Variants in MTUS1 observed in about 807,000 individuals in gnomAD.
MTUS1 encodes the protein microtubule associated scaffold protein 1, also known as microtubule-associated tumor suppressor 1.
A neutral mutation model predicts 120.8 loss-of-function variants in MTUS1; 109 were observed. The observed-to-expected ratio is 0.90, with a 90% CI of 0.77 to 1.06. The LOEUF (loss-of-function observed/expected upper bound fraction) is 1.06, where lower values mean the gene tolerates loss of function less well. Among genes scored for constraint, MTUS1 ranks in the 50% least tolerant of loss-of-function variants. The pLI, the probability that MTUS1 is intolerant of heterozygous loss-of-function variation, is 0.00. For synonymous variants in MTUS1, 737 were observed against 550.5 expected, an observed-to-expected ratio of 1.34 and a Z score of -4.74; for missense variants, 2,210 against 1,486.3, an observed-to-expected ratio of 1.49 and a Z score of -8.01.
At chr8:17,680,531 T>C (rs1009535428) in intron 7 of MTUS1, among the ~76,000 whole-genome samples, 1 of 144,262 alleles carries the variant, frequency 6.9e-6, no homozygotes, top group Non-Finnish European at 1.5e-5. Flanking sequence ...GCAGTCACAA[T>C]TCCTTGGCTG....
rs1364957980 is a variant in MTUS1, at chr8:17,755,810, T to G, written c.-3A>C. On this transcript the variant is annotated 5_prime_UTR_variant, in exon 2 of 15. Transcript: ENST00000693296. ...TCATCTGAATTATCATCAGTCATCC[T>G]GAATAGTAACCTTAAACCTCTGCCA... The G allele has an allele frequency of 6.2e-7, 1 of 1,609,952 alleles. No homozygotes were observed. Among genetic ancestry groups the G allele is most frequent in the Non-Finnish European group, 8.5e-7 (1 of 1,178,018 alleles).
chr8:17,657,375 C>T (rs372715615), intron 8 of MTUS1, among the ~76,000 whole-genome samples: 3,044 of 151,094 alleles, frequency 0.02, 31 homozygotes, highest in South Asian at 0.036. Context: ...GAGACCATCC[C>T]GGCTAAAACG....
At chr8:17,784,538 G>C (rs1337106329) in intron 1 of MTUS1, among the ~76,000 whole-genome samples, 1 of 151,888 alleles carries the variant, frequency 6.6e-6, no homozygotes, top group African/African-American at 2.4e-5. Flanking sequence ...CAGGTGATCT[G>C]CCTGCCTCGG....
At chr8:17,678,667 T>C (rs529620656) in intron 7 of MTUS1, among the ~76,000 whole-genome samples, 1 of 152,212 alleles carries the variant, frequency 6.6e-6, no homozygotes, top group South Asian at 2.1e-4. Flanking sequence ...TCTATGTTTT[T>C]TTGTTCCAAG....
In MTUS1 at chr8:17,676,037, C is replaced by T; in HGVS notation, c.2839-785G>A. On this transcript the variant is annotated intron_variant, in intron 7 of 14. Transcript: ENST00000693296. The stretch of plus-strand genomic sequence containing the variant: ...TCCTTAAAAGGTAGATTCCCTAGCA[C>T]CAGGGAGTAACTAAAAAAAAAATGA... The T allele has an allele frequency of 7.1e-6, 4 of 560,974 alleles. No homozygotes were observed. The South Asian group carries it at 8.7e-5, about 12-fold the overall frequency. The allele number at this position is 560,974 out of a possible 1,614,324, so 34.7% of individuals were successfully genotyped here.
chr8:17,649,768 C>T, intron 13 of MTUS1, 78 bp downstream of exon 13: 3 of 780,094 alleles, frequency 3.8e-6, no homozygotes, highest in Non-Finnish European at 2.2e-6. Flanking sequence ...CCCAACTCCA[C>T]AGTTCTAAAA....
chr8:17,680,708 G>C (rs2130728306), intron 7 of MTUS1, among the ~76,000 whole-genome samples: 2 of 152,162 alleles, frequency 1.3e-5, no homozygotes, highest in South Asian at 4.2e-4. Flanking sequence ...CTGAGCACCT[G>C]ATAAAGGCCT....
rs767634142 is a variant in MTUS1, at chr8:17,653,332, C to T, written c.3289-51G>A. The T allele has an allele frequency of 7.4e-6, 11 of 1,483,102 alleles. No homozygotes were observed. In the South Asian group the frequency reaches 1.4e-4, roughly 19 times the overall value. The allele number at this position is 1,483,102 out of a possible 1,614,324, so 91.9% of individuals were successfully genotyped here. A position where few individuals can be genotyped will look rare whatever the true frequency, so the allele number is the denominator to read the frequency against. ...TAAGTTAACAAGAAAACCCCAGAAA[C>T]TCAGCATACGTACACAGAAACATTA... On this transcript the variant is annotated intron_variant, in intron 11 of 14. Transcript: ENST00000693296.
At chr8:17,685,689 A>C (rs560241811) in intron 6 of MTUS1, among the ~76,000 whole-genome samples, 10 of 106,026 alleles carry the variant, frequency 9.4e-5, no homozygotes, top group African/African-American at 2.8e-4. Context: ...ACTAAGTTAA[A>C]AACAGGGAAA....
chr8:17,727,083 T>C (rs1019756892), intron 3 of MTUS1, among the ~76,000 whole-genome samples: 3 of 152,148 alleles, frequency 2.0e-5, no homozygotes, highest in Admixed American at 1.3e-4. Flanking sequence ...CCCTATCTCA[T>C]TGTCACCCCC....
chr8:17,653,543 G>T (rs370254370), intron 10 of MTUS1, 45 bp from the exon 11 acceptor site: 1 of 1,375,798 alleles, frequency 7.3e-7, no homozygotes, highest in South Asian at 1.2e-5. Flanking sequence ...CATTCTATGA[G>T]ATCAATGTAC....
At chr8:17,793,764 T>G (rs2051992930) in intron 1 of MTUS1, among the ~76,000 whole-genome samples, 1 of 152,216 alleles carries the variant, frequency 6.6e-6, no homozygotes, top group South Asian at 2.1e-4. Flanking sequence ...ATGACAAGGA[T>G]GCTTTATATA....
At chr8:17,691,023 TATTA>T (rs1816840349) in intron 6 of MTUS1, among the ~76,000 whole-genome samples, 3 of 152,154 alleles carry the variant, frequency 2.0e-5, no homozygotes, top group Non-Finnish European at 1.5e-5. Context: ...GGTAATTATC[TATTA>T]ATTAACCAGA....
chr8:17,791,543 T>A (rs546523439), intron 1 of MTUS1, among the ~76,000 whole-genome samples: 4 of 152,158 alleles, frequency 2.6e-5, no homozygotes, highest in Non-Finnish European at 5.9e-5. Flanking sequence ...GCAACATAAT[T>A]TACAGACTTT....
intron 3 of MTUS1, among the ~76,000 whole-genome samples, chr8:17,733,895 G>A (rs918628821): frequency 6.6e-6 from 1 of 152,020 alleles, no homozygotes; most frequent in Non-Finnish European, 1.5e-5. Flanking sequence ...GATCTCAGGG[G>A]GCAAAAGTTA....
intron 6 of MTUS1, among the ~76,000 whole-genome samples, chr8:17,708,476 A>G (rs1353212047): frequency 6.6e-6 from 1 of 152,224 alleles, no homozygotes; most frequent in African/African-American, 2.4e-5. Flanking sequence ...GTGGAGAAAC[A>G]GGATTCTTCA....
chr8:17,799,129 A>T (rs750003989), intron 1 of MTUS1, among the ~76,000 whole-genome samples: 15 of 152,214 alleles, frequency 9.9e-5, no homozygotes, highest in Non-Finnish European at 2.1e-4. Flanking sequence ...TTTTTTGGAA[A>T]GCAAATGGTC....
intron 3 of MTUS1, among the ~76,000 whole-genome samples, chr8:17,729,849 G>A (rs2937890): frequency 0.16 from 24,440 of 151,822 alleles, 2,055 homozygotes; most frequent in Middle Eastern, 0.18. Flanking sequence ...CAAAGGACTC[G>A]AATAGACATT....
At chr8:17,685,044 A>T (rs1371232679) in intron 6 of MTUS1, among the ~76,000 whole-genome samples, 1 of 152,172 alleles carries the variant, frequency 6.6e-6, no homozygotes, top group Non-Finnish European at 1.5e-5. Flanking sequence ...TATACCGCAG[A>T]TGAGTCATTT....
Sources: gnomAD v4.1 joint callset for allele counts (sites outside exome capture counted in the v4.1 genomes callset) on GRCh38, gnomAD v4.1.1 for gene constraint, MANE v1.5 for transcripts, NCBI Gene and HGNC (gene_info 2026-07-23, HGNC 2026-07-21) for gene names.